Variants in SEMA6D observed in about 807,000 individuals in gnomAD.
SEMA6D encodes the protein semaphorin-6D.
A neutral mutation model predicts 106.6 loss-of-function variants in SEMA6D; 35 were observed. The observed-to-expected ratio is 0.33, with a 90% CI of 0.25 to 0.44. The LOEUF (loss-of-function observed/expected upper bound fraction) is 0.44, where lower values mean the gene tolerates loss of function less well. Among genes scored for constraint, SEMA6D ranks in the 20% least tolerant of loss-of-function variants. The pLI is 1.00. For synonymous variants in SEMA6D, 499 were observed against 487.7 expected (o/e 1.02, Z -0.31); for missense variants, 1,185 against 1,345.9 (o/e 0.88, Z 1.87).
Position 47,208,007 on chromosome 15 carries a change from A to G in SEMA6D, c.-239+23589A>G, listed in dbSNP as rs1052228437. 6.2e-4 allele frequency among the ~76,000 whole-genome samples: 75 copies of G among 121,238 alleles called. 1 individual carries two copies. Among genetic ancestry groups the G allele is most frequent in the African/African-American group, 2.0e-3 (56 of 28,434 alleles). 79.5% of individuals were successfully genotyped at this position (121,238 alleles called of 152,430 possible). ...CTGGCGCGCGCGCACACACACACAC[A>G]CACACACACACACACACACACACAC... On this transcript the variant is annotated intron_variant, in intron 1 of 19. Transcript: ENST00000558014.
At chr15:47,709,126 G>T (rs1172562088) in intron 4 of SEMA6D, among the ~76,000 whole-genome samples, 1 of 152,076 alleles carries the variant, frequency 6.6e-6, no homozygotes, top group Non-Finnish European at 1.5e-5. Context: ...GAAGAGAGTG[G>T]GTGGTGATAT....
intron 3 of SEMA6D, among the ~76,000 whole-genome samples, chr15:47,511,479 C>G: frequency 6.6e-6 from 1 of 152,114 alleles, no homozygotes; most frequent in East Asian, 1.9e-4. Flanking sequence ...CTATTGGATC[C>G]CACATCTCCT....
chr15:47,526,528 G>C (rs1331922302), intron 3 of SEMA6D, among the ~76,000 whole-genome samples: 1 of 152,188 alleles, frequency 6.6e-6, no homozygotes, highest in Non-Finnish European at 1.5e-5. Flanking sequence ...CAGCTAGCCA[G>C]TATTGGCCAT....
At chr15:47,319,174 C>T (rs1401664997) in intron 1 of SEMA6D, among the ~76,000 whole-genome samples, 1 of 152,146 alleles carries the variant, frequency 6.6e-6, no homozygotes, top group East Asian at 1.9e-4. Flanking sequence ...TTAAGATTTC[C>T]ATCTCTCTGC....
intron 4 of SEMA6D, among the ~76,000 whole-genome samples, chr15:47,645,739 G>T (rs571514070): frequency 6.6e-6 from 1 of 152,074 alleles, no homozygotes; most frequent in African/African-American, 2.4e-5. Flanking sequence ...CATAAGCCCC[G>T]GGTGGTTGGC....
chr15:47,205,209 GA>G (rs1894975776), intron 1 of SEMA6D, among the ~76,000 whole-genome samples: 1 of 152,072 alleles, frequency 6.6e-6, no homozygotes, highest in Non-Finnish European at 1.5e-5. Flanking sequence ...ATATTTTGTT[GA>G]AAGTATGCTA....
intron 1 of SEMA6D, among the ~76,000 whole-genome samples, chr15:47,238,545 T>C (rs891017768): frequency 6.6e-6 from 1 of 152,162 alleles, no homozygotes; most frequent in African/African-American, 2.4e-5. Context: ...TCCAATAGAT[T>C]GTGCTTTCCT....
intron 1 of SEMA6D, among the ~76,000 whole-genome samples, chr15:47,408,380 A>C (rs957143221): frequency 2.0e-5 from 3 of 152,216 alleles, no homozygotes; most frequent in African/African-American, 7.2e-5. Flanking sequence ...ACAGAACAAA[A>C]ACTAACAAAA....
chr15:47,196,307 G>C (rs930824), intron 1 of SEMA6D, among the ~76,000 whole-genome samples: 1 of 152,146 alleles, frequency 6.6e-6, no homozygotes. Flanking sequence ...TGCACCCGGA[G>C]GGTAATTGAG....
chr15:47,216,395 G>T (rs1445741003), intron 1 of SEMA6D, among the ~76,000 whole-genome samples: 2 of 152,130 alleles, frequency 1.3e-5, no homozygotes, highest in African/African-American at 4.8e-5. Flanking sequence ...AAAGCCGTTT[G>T]CCAATGTATC....
At chr15:47,552,843 AATATATATAAATATATATATATTTTT>A (rs1566882672) in intron 3 of SEMA6D, among the ~76,000 whole-genome samples, 67 of 79,098 alleles carry the variant, frequency 8.5e-4, no homozygotes, top group African/African-American at 4.7e-3. Flanking sequence ...TATATATATA[AATATATATAAATATATATATATTTTT>A]ATATATATAT....
At chr15:47,531,818 A>T (rs1460814021) in intron 3 of SEMA6D, among the ~76,000 whole-genome samples, 3 of 152,200 alleles carry the variant, frequency 2.0e-5, no homozygotes, top group Non-Finnish European at 4.4e-5. Flanking sequence ...TTTCCTAATG[A>T]ACTACCAATT....
intron 1 of SEMA6D, among the ~76,000 whole-genome samples, chr15:47,755,467 G>A (rs1484204153): frequency 6.6e-6 from 1 of 152,110 alleles, no homozygotes; most frequent in Non-Finnish European, 1.5e-5. Flanking sequence ...CTACTTGAAT[G>A]TTGGGCAATG....
chr15:47,206,119 G>A (rs919211184), intron 1 of SEMA6D, among the ~76,000 whole-genome samples: 1 of 152,120 alleles, frequency 6.6e-6, no homozygotes, highest in East Asian at 1.9e-4. Flanking sequence ...AAGTGGGTAT[G>A]ATATTATTAA....
intron 3 of SEMA6D, among the ~76,000 whole-genome samples, chr15:47,480,640 T>C (rs911613898): frequency 3.3e-5 from 5 of 152,118 alleles, no homozygotes; most frequent in Non-Finnish European, 7.3e-5. Flanking sequence ...CCTTACCTCA[T>C]CCACTCCCCT....
intron 1 of SEMA6D, among the ~76,000 whole-genome samples, chr15:47,751,634 C>T (rs1221394368): frequency 4.6e-5 from 7 of 152,106 alleles, no homozygotes; most frequent in African/African-American, 1.4e-4. Flanking sequence ...AGGGGCCCAT[C>T]CCCCCTGGGT....
intron 4 of SEMA6D, among the ~76,000 whole-genome samples, chr15:47,638,114 C>A (rs1467672106): frequency 1.3e-5 from 2 of 150,818 alleles, no homozygotes. Flanking sequence ...GTATCTTAGA[C>A]AAAAAAAAAC....
intron 4 of SEMA6D, among the ~76,000 whole-genome samples, chr15:47,707,435 A>G (rs2078933625): frequency 6.6e-6 from 1 of 152,248 alleles, no homozygotes; most frequent in Non-Finnish European, 1.5e-5. Flanking sequence ...CATTTTCTGT[A>G]AAAGTGTCAG....
intron 4 of SEMA6D, among the ~76,000 whole-genome samples, chr15:47,629,708 C>A (rs2077261394): frequency 6.6e-6 from 1 of 151,714 alleles, no homozygotes; most frequent in Non-Finnish European, 1.5e-5. Flanking sequence ...TACCCATAAC[C>A]CACCCTTTCC....
Sources: allele counts gnomAD v4.1 joint callset (sites outside exome capture counted in the v4.1 genomes callset), GRCh38; gene constraint gnomAD v4.1.1; transcripts MANE v1.5; gene names NCBI Gene and HGNC (gene_info 2026-07-23, HGNC 2026-07-21).